PLEKHG1: variants seen among roughly 807,000 people sequenced by gnomAD.
PLEKHG1 encodes the protein pleckstrin homology and RhoGEF domain containing G1.
In PLEKHG1, 44 loss-of-function variants were observed where a neutral mutation model predicts 100.8. The observed-to-expected ratio is 0.44, with a 90% CI of 0.34 to 0.56. PLEKHG1 has a LOEUF of 0.56. Ranked by LOEUF, PLEKHG1 falls within the 20% of genes least tolerant of loss-of-function variation. PLEKHG1 has a pLI of 0.01. For missense variants in PLEKHG1, 1,545 were observed against 1,720.9 expected, an observed-to-expected ratio of 0.90 and a Z score of 1.81; for synonymous variants, 640 against 662.5, an observed-to-expected ratio of 0.97 and a Z score of 0.52.
intron 3 of PLEKHG1, among the ~76,000 whole-genome samples, chr6:150,689,903 C>G (rs932078094): frequency 1.3e-5 from 2 of 151,104 alleles, no homozygotes; most frequent in East Asian, 3.9e-4. Flanking sequence ...GTAATATGAT[C>G]TTTGAGCTTT....
At chr6:150,720,872 G>C (rs1015227543), upstream of PLEKHG1, among the ~76,000 whole-genome samples, 1 of 152,162 alleles carries the variant, frequency 6.6e-6, no homozygotes, top group Non-Finnish European at 1.5e-5. Context: ...GAAGTGGTAG[G>C]GTGTTGCTCA....
intron 14 of PLEKHG1, among the ~76,000 whole-genome samples, chr6:150,829,899 C>T (rs549595936): frequency 6.8e-4 from 103 of 152,084 alleles, no homozygotes; most frequent in Non-Finnish European, 1.2e-3. Context: ...CCAGAAACCA[C>T]GATAAAACTG....
intron 2 of PLEKHG1, among the ~76,000 whole-genome samples, chr6:150,734,574 G>A (rs978509092): frequency 1.3e-5 from 2 of 152,168 alleles, no homozygotes; most frequent in East Asian, 3.8e-4. Flanking sequence ...GTGGGGCTTG[G>A]GTGGTGGAAT....
At position 150,683,746 on chromosome 6, in the gene PLEKHG1, G is replaced by C; in HGVS notation, c.-99+32960G>C. On this transcript the variant is annotated intron_variant, in intron 3 of 3. Coordinates refer to the PLEKHG1 transcript ENST00000367326. This position sits in a 1 kb window ranked among gnomAD's most constrained non-coding sequence, Gnocchi z 4.0. ...CCTCTGCGCTAGTATCCAGGGCATA[G>C]GACGTCTGAAGGAAAGATGGAGCCA... is the stretch of plus-strand genomic sequence containing the variant. 1 of 1,278,558 alleles carries C rather than the reference G, an allele frequency of 7.8e-7. No individual in the cohort carries two copies. The highest frequency in any genetic ancestry group is 1.0e-6 in the Non-Finnish European group (1 of 982,232). The allele number at this position is 1,278,558 out of a possible 1,614,324, so 79.2% of individuals were successfully genotyped here.
intron 2 of PLEKHG1, among the ~76,000 whole-genome samples, chr6:150,647,190 A>G (rs549406904): frequency 3.0e-4 from 46 of 152,366 alleles, no homozygotes; most frequent in African/African-American, 8.7e-4. Flanking sequence ...TGTTTAAGCC[A>G]TGCCTAACTC....
chr6:150,796,366 A>G (rs1175670977), intron 5 of PLEKHG1, among the ~76,000 whole-genome samples: 2 of 152,206 alleles, frequency 1.3e-5, no homozygotes, highest in African/African-American at 4.8e-5. Flanking sequence ...AGGACAGATC[A>G]TCATAAGCCT....
At chr6:150,736,061 A>G (rs1782544024) in intron 2 of PLEKHG1, among the ~76,000 whole-genome samples, 1 of 152,200 alleles carries the variant, frequency 6.6e-6, no homozygotes, top group Admixed American at 6.5e-5. Flanking sequence ...GCAGGGCCAG[A>G]TAGTAAATAG....
intron 5 of PLEKHG1, among the ~76,000 whole-genome samples, chr6:150,796,489 C>G (rs1786340586): frequency 6.6e-6 from 1 of 152,128 alleles, no homozygotes; most frequent in Non-Finnish European, 1.5e-5. Flanking sequence ...AATGTATTAA[C>G]CATTTCAGTA....
At chr6:150,804,439 C>CA (rs1786919121) in intron 6 of PLEKHG1, among the ~76,000 whole-genome samples, 171 bp from the exon 8 acceptor site, 4 of 150,986 alleles carry the variant, frequency 2.6e-5, no homozygotes, top group African/African-American at 9.7e-5. Context: ...ACCCACCTGG[C>CA]CTCCCAAAGT....
chr6:150,828,431 T>G, intron 14 of PLEKHG1: 1 of 1,506,346 alleles, frequency 6.6e-7, no homozygotes, highest in Non-Finnish European at 9.0e-7. Flanking sequence ...ACAAATTGTC[T>G]GGATTTTTTA....
chr6:150,739,114 G>A (rs141149592), intron 2 of PLEKHG1, among the ~76,000 whole-genome samples: 2 of 152,162 alleles, frequency 1.3e-5, no homozygotes, highest in East Asian at 1.9e-4. Context: ...TTCACGGCCT[G>A]TTGTAACCTG....
At chr6:150,671,568 G>A (rs1779583317) in intron 3 of PLEKHG1, among the ~76,000 whole-genome samples, 1 of 152,238 alleles carries the variant, frequency 6.6e-6, no homozygotes, top group East Asian at 1.9e-4. Context: ...GGGCACTGTA[G>A]TAAGTGCTGA....
chr6:150,666,584 A>G (rs1004203683), intron 3 of PLEKHG1, among the ~76,000 whole-genome samples: 3 of 152,160 alleles, frequency 2.0e-5, no homozygotes, highest in Non-Finnish European at 4.4e-5. Flanking sequence ...TGTTCATTGC[A>G]GACACAGAAA....
At chr6:150,658,473 G>A (rs1271297401) in intron 3 of PLEKHG1, among the ~76,000 whole-genome samples, 1 of 152,196 alleles carries the variant, frequency 6.6e-6, no homozygotes, top group African/African-American at 2.4e-5. Context: ...AAAGATAAAC[G>A]GAGTTCAGCA....
At chr6:150,647,441 C>T (rs1392335588) in intron 2 of PLEKHG1, among the ~76,000 whole-genome samples, 1 of 152,140 alleles carries the variant, frequency 6.6e-6, no homozygotes, top group Non-Finnish European at 1.5e-5. Flanking sequence ...AGGTTGGTCT[C>T]CTTTTTACAA....
At chr6:150,704,584 A>C (rs1780930684) in intron 3 of PLEKHG1, among the ~76,000 whole-genome samples, 1 of 152,256 alleles carries the variant, frequency 6.6e-6, no homozygotes, top group South Asian at 2.1e-4. Context: ...TCTCAACCTT[A>C]CATCACCCAA....
intron 2 of PLEKHG1, among the ~76,000 whole-genome samples, chr6:150,762,351 G>A (rs891393635): frequency 8.3e-5 from 11 of 132,804 alleles, no homozygotes; most frequent in South Asian, 4.6e-4. Context: ...CACCAAGCCC[G>A]GCTAATTTTT....
intron 2 of PLEKHG1, among the ~76,000 whole-genome samples, chr6:150,742,521 C>T (rs1324217235): frequency 4.8e-5 from 6 of 124,062 alleles, no homozygotes; most frequent in African/African-American, 1.9e-4. Flanking sequence ...GCCAAGATAG[C>T]GCCATTGCAC....
chr6:150,828,175 A>G, intron 14 of PLEKHG1: 1 of 1,613,842 alleles, frequency 6.2e-7, no homozygotes, highest in Non-Finnish European at 8.5e-7. Flanking sequence ...GTTTACCTGG[A>G]AGGAGATATC....
Sources: allele counts gnomAD v4.1 joint callset (sites outside exome capture counted in the v4.1 genomes callset), GRCh38; gene constraint gnomAD v4.1.1; non-coding constraint Gnocchi (gnomAD v3.1); transcripts MANE v1.5; gene names NCBI Gene and HGNC (gene_info 2026-07-23, HGNC 2026-07-21).